Variants in RARB observed in about 807,000 individuals in gnomAD.
RARB encodes retinoic acid receptor beta.
In RARB, 17 loss-of-function variants were observed where a neutral mutation model predicts 51.9. The ratio of observed to expected loss-of-function variants is 0.33; its 90% CI spans 0.22 to 0.49. The LOEUF (loss-of-function observed/expected upper bound fraction) is 0.49. RARB is among the 20% of genes least tolerant of loss of function. The pLI, the probability that RARB is intolerant of heterozygous loss-of-function variation, is 0.99. For missense variants in RARB, 369 were observed against 550.8 expected, an observed-to-expected ratio of 0.67 and a Z score of 3.30; for synonymous variants, 215 against 195.4, an observed-to-expected ratio of 1.10 and a Z score of -0.84.
chr3:25,205,041 G>A (rs1257394232), intron 5 of RARB, among the ~76,000 whole-genome samples: 3 of 152,158 alleles, frequency 2.0e-5, no homozygotes, highest in Non-Finnish European at 4.4e-5. Flanking sequence ...TACAGAGGCA[G>A]GCAGACCTCC....
At chr3:24,870,091 A>AGACTTTG (rs1702920119) in intron 2 of RARB, among the ~76,000 whole-genome samples, 1 of 152,082 alleles carries the variant, frequency 6.6e-6, no homozygotes. Context: ...AGTTCTTTGT[A>AGACTTTG]TATCCTGGAG....
At chr3:24,965,453 G>A (rs542775977) in intron 2 of RARB, among the ~76,000 whole-genome samples, 1 of 152,256 alleles carries the variant, frequency 6.6e-6, no homozygotes, top group Admixed American at 6.5e-5. Flanking sequence ...ACAGGGTAAA[G>A]CTAAAAGAAG....
chr3:24,993,208 T>C (rs1696951334), intron 2 of RARB, among the ~76,000 whole-genome samples: 1 of 152,132 alleles, frequency 6.6e-6, no homozygotes, highest in Non-Finnish European at 1.5e-5. Context: ...CTAAAAATAT[T>C]CTCAACTTTT....
chr3:25,414,378 T>C (rs1707647041), intron 5 of RARB, among the ~76,000 whole-genome samples: 2 of 152,348 alleles, frequency 1.3e-5, no homozygotes, highest in Non-Finnish European at 2.9e-5. Flanking sequence ...ATAAAGCTAC[T>C]ATGAATGTTC....
At chr3:25,185,066 C>T (rs1307887212) in intron 5 of RARB, among the ~76,000 whole-genome samples, 3 of 152,144 alleles carry the variant, frequency 2.0e-5, no homozygotes, top group African/African-American at 7.2e-5. Flanking sequence ...TCTACATGTG[C>T]ATGTGCTTTT....
At chr3:25,408,526 G>C (rs1182236882) in intron 5 of RARB, among the ~76,000 whole-genome samples, 1 of 152,098 alleles carries the variant, frequency 6.6e-6, no homozygotes, top group African/African-American at 2.4e-5. Context: ...CCTCTAATTA[G>C]GGTGGGGACA....
intron 5 of RARB, among the ~76,000 whole-genome samples, chr3:25,397,385 G>C (rs1216411775): frequency 6.6e-6 from 1 of 152,192 alleles, no homozygotes. Context: ...AGAGTTTTTC[G>C]GCTGTCCCAC....
intron 2 of RARB, among the ~76,000 whole-genome samples, chr3:25,466,491 C>T (rs1695439328): frequency 6.6e-6 from 1 of 152,196 alleles, no homozygotes; most frequent in South Asian, 2.1e-4. Context: ...CCACCGCTCC[C>T]AGCCTATCGT....
Position 25,174,605 on chromosome 3 carries a change from C to T in RARB, c.178+30C>T, listed in dbSNP as rs777285864. ...GTCCTGCTGGAATTTGCTCTCTTTT[C>T]TCTGGGTTGATTGGATGAAGGGACC... On this transcript the variant is annotated intron_variant, in intron 5 of 11. Transcript: ENST00000383772. 18 of 1,350,228 alleles carry T rather than the reference C, an allele frequency of 1.3e-5. 1 individual carries two copies. The South Asian group carries it at 1.8e-4, about 14-fold the overall frequency. 83.6% of individuals were successfully genotyped at this position (1,350,228 alleles called of 1,614,324 possible). A position where few individuals can be genotyped will look rare whatever the true frequency, so the allele number is the denominator to read the frequency against.
chr3:25,288,914 G>C (rs1027365889), intron 5 of RARB, among the ~76,000 whole-genome samples: 2 of 152,118 alleles, frequency 1.3e-5, no homozygotes, highest in African/African-American at 4.8e-5. Context: ...TTTTCCAAAA[G>C]GCAGAAGACC....
chr3:24,897,119 A>T (rs1034400528), intron 2 of RARB, among the ~76,000 whole-genome samples: 1 of 152,200 alleles, frequency 6.6e-6, no homozygotes, highest in Non-Finnish European at 1.5e-5. Flanking sequence ...AAACGTGTAA[A>T]GCCAGCATCG....
At chr3:25,154,874 G>T (rs779960379) in intron 4 of RARB, among the ~76,000 whole-genome samples, 3 of 152,146 alleles carry the variant, frequency 2.0e-5, no homozygotes, top group Non-Finnish European at 4.4e-5. Context: ...AACCCTAAAG[G>T]CTTGTCTTTT....
At chr3:25,254,940 C>T (rs1702824613) in intron 5 of RARB, among the ~76,000 whole-genome samples, 1 of 152,112 alleles carries the variant, frequency 6.6e-6, no homozygotes, top group Non-Finnish European at 1.5e-5. Flanking sequence ...CCTTCTCTGA[C>T]AGTTTGGACT....
chr3:25,361,741 T>C (rs1251048926), intron 5 of RARB, among the ~76,000 whole-genome samples: 1 of 152,238 alleles, frequency 6.6e-6, no homozygotes. Context: ...CGGTCCCCTC[T>C]TCTGCAGGTC....
intron 5 of RARB, among the ~76,000 whole-genome samples, chr3:25,254,306 A>G (rs1164849433): frequency 6.6e-6 from 1 of 152,144 alleles, no homozygotes; most frequent in Non-Finnish European, 1.5e-5. Context: ...TTATTGAGAA[A>G]CAGTTGAAAA....
At position 25,461,262 on chromosome 3, in the gene RARB, G is replaced by A. The variant is rs766253930; in HGVS notation, c.227G>A (p.Arg76Gln). The change falls in exon 2 of 8, where the codon CGA becomes CAA. Residue 76 changes from arginine (R) to glutamine (Q), a missense_variant. Physicochemically the swap from Arg to Gln is conservative, Grantham distance 43. Coordinates refer to ENST00000330688, the MANE Select transcript of RARB (RefSeq NM_000965.5). ...PSPPSPLPPP[R>Q]VYKPCFVCQD... ...CCCCCATCTCCACTTCCTCCCCCTC[G>A]AGTGTACAAACCCTGCTTCGTCTGC... is the stretch of plus-strand genomic sequence containing the variant. 5 of 1,613,600 alleles carry A rather than the reference G, an allele frequency of 3.1e-6. No homozygotes were observed. Among genetic ancestry groups the A allele is most frequent in the Non-Finnish European group, 3.4e-6 (4 of 1,179,926 alleles).
At chr3:25,279,488 T>C (rs994959388) in intron 5 of RARB, among the ~76,000 whole-genome samples, 3 of 152,158 alleles carry the variant, frequency 2.0e-5, no homozygotes, top group Admixed American at 2.0e-4. Context: ...AAAGGGACTC[T>C]TGATTGAGAA....
intron 5 of RARB, among the ~76,000 whole-genome samples, chr3:25,401,059 A>G (rs570177932): frequency 4.3e-4 from 65 of 152,288 alleles, no homozygotes; most frequent in Non-Finnish European, 8.7e-4. Flanking sequence ...TTAAGAAGCC[A>G]AGCAAAAGAA....
chr3:25,247,640 A>G (rs1231236734), intron 5 of RARB, among the ~76,000 whole-genome samples: 3 of 152,058 alleles, frequency 2.0e-5, no homozygotes, highest in South Asian at 2.1e-4. Context: ...CTCATCCTCC[A>G]TGGGCTGCAC....
Sources: gnomAD v4.1 joint callset for allele counts (sites outside exome capture counted in the v4.1 genomes callset) on GRCh38, gnomAD v4.1.1 for gene constraint, MANE v1.5 for transcripts, NCBI Gene and HGNC (gene_info 2026-07-23, HGNC 2026-07-21) for gene names.